The following TBC1D2 variants were observed in gnomAD, a reference collection of about 807,000 sequenced individuals.
TBC1D2 encodes TBC1 domain family member 2.
A neutral mutation model predicts 91.1 loss-of-function variants in TBC1D2; 58 were observed. The observed-to-expected ratio is 0.64, with a 90% CI of 0.52 to 0.79. The LOEUF is 0.79. Ranked by LOEUF, TBC1D2 falls within the 30% of genes least tolerant of loss-of-function variation. The pLI is 0.00. For synonymous variants in TBC1D2, 482 were observed against 511.5 expected (o/e 0.94, Z 0.78); for missense variants, 1,080 against 1,208.3 (o/e 0.89, Z 1.57).
chr9:98,252,137 G>A (rs1829886725), intron 1 of TBC1D2, among the ~76,000 whole-genome samples: 1 of 152,164 alleles, frequency 6.6e-6, no homozygotes, highest in South Asian at 2.1e-4. Flanking sequence ...CTGGGCCTCA[G>A]TTTCCTCATC....
Position 98,199,299 on chromosome 9 carries a change from C to T in TBC1D2, c.*82G>A, listed in dbSNP as rs1828416410. ...TCACATGGTGATGGGACACCCAGGG[C>T]TGGGCCACTGGTCCGTGCCTGACCT... On this transcript the variant is annotated 3_prime_UTR_variant, in exon 13 of 13. Coordinates refer to ENST00000465784, the MANE Select transcript of TBC1D2 (RefSeq NM_001267571.2). 2.0e-6 allele frequency: 3 copies of T among 1,496,182 alleles called. No individual in the cohort carries two copies. The highest frequency in any genetic ancestry group is 1.4e-5 in the African/African-American group (1 of 72,814). 92.7% of individuals were successfully genotyped at this position (1,496,182 alleles called of 1,614,324 possible).
At chr9:98,204,428 T>C (rs1222075866) in intron 9 of TBC1D2, among the ~76,000 whole-genome samples, 1 of 152,146 alleles carries the variant, frequency 6.6e-6, no homozygotes, top group Middle Eastern at 3.2e-3. Flanking sequence ...ATTGCACCCA[T>C]GGGGGCCTAG....
At chr9:98,220,472 G>A (rs1267352879) in intron 6 of TBC1D2, among the ~76,000 whole-genome samples, 2 of 152,094 alleles carry the variant, frequency 1.3e-5, no homozygotes, top group Non-Finnish European at 2.9e-5. Flanking sequence ...TAGGGCTCTC[G>A]GGTGCACTGG....
rs767120830 is a variant in TBC1D2 at position 98,201,600 on chromosome 9, C to T, written c.2336G>A (p.Gly779Glu). 3 of 1,613,962 alleles carry T rather than the reference C, an allele frequency of 1.9e-6. No individual in the cohort carries two copies. The African/African-American group carries it at 4.0e-5, about 22-fold the overall frequency. Residue 779 changes from glycine to glutamate, a missense_variant, in exon 11 of 13, where the codon GGG (glycine) becomes GAG (glutamate). By Grantham distance (98) the Gly-to-Glu change is moderately conservative. Transcript: ENST00000465784. ...GAGGGAGAGATCCACGTGGTGCTGC[C>T]CCAGATGGGCCATCAGCCTGGGCAG... ...EKLPRLMAHL[G>E]QHHVDLSLVT...
chr9:98,209,832 CTTTCTTTTCT>C (rs1245402396), intron 8 of TBC1D2, among the ~76,000 whole-genome samples: 1 of 142,082 alleles, frequency 7.0e-6, no homozygotes, highest in East Asian at 2.0e-4. Flanking sequence ...TCCCCCCTTC[CTTTCTTTTCT>C]TTTCTTTTCA....
At chr9:98,221,597 AG>A (rs1454126361) in intron 5 of TBC1D2, among the ~76,000 whole-genome samples, 1 of 152,202 alleles carries the variant, frequency 6.6e-6, no homozygotes, top group African/African-American at 2.4e-5. Flanking sequence ...CAGGAACTAG[AG>A]TGGCCGCCTC....
intron 6 of TBC1D2, among the ~76,000 whole-genome samples, chr9:98,215,643 G>A (rs1042531192): frequency 6.6e-6 from 1 of 152,198 alleles, no homozygotes; most frequent in Non-Finnish European, 1.5e-5. Context: ...AAGTAGCTGG[G>A]ACTATAGGCA....
Position 98,208,966 on chromosome 9 carries a change from G to A in TBC1D2, c.1852C>T (p.Leu618Phe), listed in dbSNP as rs537334997. The A allele has an allele frequency of 1.2e-6, 2 of 1,614,150 alleles. No homozygotes were observed. The highest frequency in any genetic ancestry group is 2.7e-5 in the African/African-American group (2 of 75,040). ...ACTCCTGCCCGCAGTAGCTGCTTGA[G>A]CTCGGCTGAGGGCACAAGATCGCCC... ...ALGDLVPSAE[L>F]KQLLRAGVPR... Residue 618 changes from leucine to phenylalanine, a missense_variant, in exon 9 of 13, where the codon CTC (leucine) becomes TTC (phenylalanine). Physicochemically the swap from Leu to Phe is conservative, Grantham distance 22 (BLOSUM62 0). Transcript: ENST00000465784.
At chr9:98,208,551 C>T in intron 9 of TBC1D2, 117 bp downstream of exon 9, 1 of 987,156 alleles carries the variant, frequency 1.0e-6, no homozygotes, top group Non-Finnish European at 1.5e-6. Context: ...CACTGCTCAC[C>T]TCCTGCTGTG....
At chr9:98,214,944 G>A (rs557460537) in intron 6 of TBC1D2, among the ~76,000 whole-genome samples, 4 of 152,098 alleles carry the variant, frequency 2.6e-5, no homozygotes, top group Non-Finnish European at 5.9e-5. Context: ...CATCTCCCTC[G>A]CTGTGCCAAG....
At chr9:98,204,632 C>CA (rs148568601) in intron 9 of TBC1D2, among the ~76,000 whole-genome samples, 2,263 of 152,062 alleles carry the variant, frequency 0.015, 63 homozygotes, top group African/African-American at 0.051. Context: ...GGTTGAATCT[C>CA]AAAAGAAAAA....
chr9:98,235,061 G>A (rs532068500), intron 3 of TBC1D2: 42 of 188,226 alleles, frequency 2.2e-4, no homozygotes, highest in African/African-American at 4.3e-4. Context: ...AAAATTAGCC[G>A]GGCGTGGTGG....
intron 4 of TBC1D2, among the ~76,000 whole-genome samples, chr9:98,229,930 C>T (rs926934841): frequency 3.3e-5 from 5 of 152,188 alleles, no homozygotes; most frequent in Admixed American, 6.5e-5. Flanking sequence ...CACAAAGCCT[C>T]GAATCGTTAC....
chr9:98,234,182 C>CT (rs1829445742), intron 3 of TBC1D2, among the ~76,000 whole-genome samples: 1 of 152,146 alleles, frequency 6.6e-6, no homozygotes, highest in East Asian at 1.9e-4. Context: ...AAGTACTTGT[C>CT]TAGGCTGAAG....
rs1442265875 is a variant in TBC1D2, at chr9:98,221,050, A to G, written c.1157T>C (p.Leu386Pro). 41 of 1,612,842 alleles carry G rather than the reference A, an allele frequency of 2.5e-5. 1 individual carries two copies. The Admixed American group carries it at 6.7e-4, about 26-fold the overall frequency. ...VEALEQERESLAHTASLREQQ... is the reference protein window; with the variant it reads ...VEALEQERESPAHTASLREQQ... ...CTCCCGCAGGCTCGCTGTGTGCGCC[A>G]GGCTCTCCCGCTCCTGCTCCAGGGC... The change falls in exon 6 of 13, where the codon CTG becomes CCG. Residue 386 changes from leucine (L) to proline (P), a missense_variant. By Grantham distance (98) the Leu-to-Pro change is moderately conservative. Coordinates refer to ENST00000465784, the MANE Select transcript of TBC1D2 (RefSeq NM_001267571.2).
At chr9:98,248,644 G>A (rs1355832868) in intron 2 of TBC1D2, among the ~76,000 whole-genome samples, 1 of 152,168 alleles carries the variant, frequency 6.6e-6, no homozygotes, top group African/African-American at 2.4e-5. Flanking sequence ...TGACCTCTTT[G>A]AGCCTTAGTT....
intron 7 of TBC1D2, among the ~76,000 whole-genome samples, chr9:98,211,884 A>G (rs1828851291): frequency 1.3e-5 from 2 of 148,734 alleles, no homozygotes; most frequent in South Asian, 4.2e-4. Context: ...TGCAACCTCT[A>G]CCTCCGGGGT....
At chr9:98,204,206 T>C (rs1056866611) in intron 9 of TBC1D2, among the ~76,000 whole-genome samples, 2 of 152,190 alleles carry the variant, frequency 1.3e-5, no homozygotes, top group African/African-American at 4.8e-5. Flanking sequence ...TCCAAAAATG[T>C]CTTCCAGGGA....
chr9:98,247,504 G>A (rs1243671764), intron 2 of TBC1D2, among the ~76,000 whole-genome samples: 1 of 152,168 alleles, frequency 6.6e-6, no homozygotes, highest in African/African-American at 2.4e-5. Flanking sequence ...GGAGGTGGGT[G>A]GAGCACGAGG....
Sources: allele counts gnomAD v4.1 joint callset (sites outside exome capture counted in the v4.1 genomes callset), GRCh38; gene constraint gnomAD v4.1.1; transcripts MANE v1.5; gene names NCBI Gene and HGNC (gene_info 2026-07-23, HGNC 2026-07-21).